Variants in FBXO36 observed in about 807,000 individuals in gnomAD.
The protein encoded by FBXO36 is F-box only protein 36.
Under a neutral mutation model 17.0 loss-of-function variants are expected in FBXO36, and 18 were observed. The ratio of observed to expected loss-of-function variants is 1.06; its 90% CI spans 0.73 to 1.57. The LOEUF is 1.57. Among genes scored for constraint, FBXO36 ranks in the 40% most tolerant of loss-of-function variants. The pLI, the probability that FBXO36 is intolerant of heterozygous loss-of-function variation, is 0.00. For missense variants in FBXO36, 229 were observed against 221.9 expected (o/e 1.03, Z -0.20); for synonymous variants, 83 against 85.3 (o/e 0.97, Z 0.15).
At chr2:229,991,502 A>G (rs2077297902) in intron 2 of FBXO36, among the ~76,000 whole-genome samples, 1 of 152,210 alleles carries the variant, frequency 6.6e-6, no homozygotes. Context: ...CTCACAAAGA[A>G]GAAGTCATGT....
intron 2 of FBXO36, among the ~76,000 whole-genome samples, chr2:229,991,806 T>G (rs1258522513): frequency 6.6e-6 from 1 of 152,218 alleles, no homozygotes; most frequent in Non-Finnish European, 1.5e-5. Context: ...ACAACACTGT[T>G]AAGCTTCATG....
chr2:229,995,914 C>A (rs1460810036), intron 2 of FBXO36, among the ~76,000 whole-genome samples: 2 of 149,756 alleles, frequency 1.3e-5, no homozygotes, highest in African/African-American at 4.9e-5. Flanking sequence ...TTTTTTTTTC[C>A]TATCAAATGA....
intron 1 of FBXO36, among the ~76,000 whole-genome samples, chr2:229,961,217 A>G (rs763096369): frequency 6.6e-6 from 1 of 152,068 alleles, no homozygotes; most frequent in Non-Finnish European, 1.5e-5. Context: ...CCTTTTCCAT[A>G]TATACCTGAA....
rs11441584 is a variant in FBXO36 at position 229,931,918 on chromosome 2, A to ATTT, written c.96+9310_96+9311insTTT. 1.6e-3 allele frequency among the ~76,000 whole-genome samples: 222 copies of ATTT among 142,798 alleles called. 10 individuals are homozygous for ATTT. Among genetic ancestry groups the ATTT allele is most frequent in the Middle Eastern group, 3.7e-3 (1 of 272 alleles). 93.7% of individuals were successfully genotyped at this position (142,798 alleles called of 152,430 possible). The stretch of plus-strand genomic sequence containing the variant: ...TGGTTTTTTGCTTGTATATGTGTAT[A>ATTT]TATTTTTTTTTTTTTTTAGACAGGG... On this transcript the variant is annotated intron_variant, in intron 1 of 3. Coordinates refer to ENST00000283946, the MANE Select transcript of FBXO36 (RefSeq NM_174899.5).
At chr2:229,938,216 CTTT>C (rs71049603) in intron 1 of FBXO36, among the ~76,000 whole-genome samples, 30 of 73,230 alleles carry the variant, frequency 4.1e-4, no homozygotes, top group Admixed American at 1.4e-3. Context: ...ATACAACTTT[CTTT>C]TTTTTTTTTT....
chr2:229,961,370 A>T (rs977645187), intron 1 of FBXO36, among the ~76,000 whole-genome samples: 1 of 150,772 alleles, frequency 6.6e-6, no homozygotes, highest in Admixed American at 6.6e-5. Context: ...TTCACACACT[A>T]TTTTATTTTA....
chr2:230,004,061 GC>G (rs555153101), intron 3 of FBXO36, among the ~76,000 whole-genome samples: 159 of 152,346 alleles, frequency 1.0e-3, no homozygotes, highest in African/African-American at 3.5e-3. Context: ...CCCTTGCCCT[GC>G]CTCCTGCCAC....
At chr2:229,949,605 G>C (rs1233625020) in intron 1 of FBXO36, among the ~76,000 whole-genome samples, 1 of 151,302 alleles carries the variant, frequency 6.6e-6, no homozygotes, top group Middle Eastern at 3.2e-3. Flanking sequence ...AGAAATACTT[G>C]GTAGATGTCT....
chr2:229,974,564 C>T (rs1334965283), intron 1 of FBXO36, among the ~76,000 whole-genome samples: 5 of 152,134 alleles, frequency 3.3e-5, no homozygotes, highest in Admixed American at 3.3e-4. Context: ...ACAGGCATCT[C>T]TCTGCCTTTT....
intron 1 of FBXO36, among the ~76,000 whole-genome samples, chr2:229,960,477 C>CT (rs879662204): frequency 9.5e-5 from 14 of 147,120 alleles, no homozygotes; most frequent in South Asian, 2.2e-4. Flanking sequence ...CCATGCCGGT[C>CT]TTTTTTTTTT....
intron 2 of FBXO36, among the ~76,000 whole-genome samples, chr2:229,989,006 A>G (rs1233165625): frequency 2.0e-5 from 3 of 151,964 alleles, no homozygotes; most frequent in Non-Finnish European, 4.4e-5. Flanking sequence ...GTTGTTTCCA[A>G]TCTTTTCGTA....
intron 3 of FBXO36, among the ~76,000 whole-genome samples, chr2:230,007,636 C>G (rs1301180991): frequency 2.0e-5 from 3 of 151,994 alleles, no homozygotes; most frequent in Non-Finnish European, 4.4e-5. Flanking sequence ...GAGTCTCGCT[C>G]TGTTGCCCAG....
chr2:229,968,924 C>T (rs1393238090), intron 1 of FBXO36, among the ~76,000 whole-genome samples: 2 of 151,948 alleles, frequency 1.3e-5, no homozygotes, highest in African/African-American at 4.8e-5. Context: ...CAGGCGTGCA[C>T]CACCACATCT....
At chr2:229,933,361 C>T (rs539316880) in intron 1 of FBXO36, among the ~76,000 whole-genome samples, 53 of 151,798 alleles carry the variant, frequency 3.5e-4, no homozygotes, top group South Asian at 6.2e-4. Flanking sequence ...CCACTTCACT[C>T]CAGCCTGAAC....
chr2:229,923,842 G>GTGT (rs1560425157), intron 1 of FBXO36, among the ~76,000 whole-genome samples: 9 of 140,226 alleles, frequency 6.4e-5, no homozygotes, highest in Admixed American at 1.4e-4. Context: ...TTTTTTTTTG[G>GTGT]TGTTGTTTTT....
chr2:229,936,814 C>T (rs938531674), intron 1 of FBXO36, among the ~76,000 whole-genome samples: 32 of 152,116 alleles, frequency 2.1e-4, no homozygotes, highest in African/African-American at 7.0e-4. Flanking sequence ...GAGGCTACAG[C>T]GAGTCGTGAT....
intron 1 of FBXO36, among the ~76,000 whole-genome samples, chr2:229,940,958 G>T (rs926215623): frequency 2.6e-5 from 4 of 152,148 alleles, no homozygotes; most frequent in Non-Finnish European, 5.9e-5. Context: ...TGGGAAAATA[G>T]AGTTGCCTGG....
chr2:229,989,128 T>C (rs1213630731), intron 2 of FBXO36, among the ~76,000 whole-genome samples: 2 of 152,208 alleles, frequency 1.3e-5, no homozygotes, highest in Admixed American at 6.5e-5. Flanking sequence ...TGGTTTCTGG[T>C]ATATAAAGAA....
At position 229,927,681 on chromosome 2, in the gene FBXO36, C is replaced by T. The variant is rs557994855; in HGVS notation, c.96+5072C>T. 3.3e-4 allele frequency among the ~76,000 whole-genome samples: 49 copies of T among 150,718 alleles called. No individual in the cohort carries two copies. The East Asian group carries it at 7.8e-3, about 24-fold the overall frequency. On this transcript the variant is annotated intron_variant, in intron 1 of 3. Coordinates refer to ENST00000283946, the MANE Select transcript of FBXO36 (RefSeq NM_174899.5). Reference sequence around the variant, plus strand: ...AGAAGGAAGAATTGGGCAATAGATTCGTCTTGTTTTATCTCTTTTTCTAAA... The same window carrying T: ...AGAAGGAAGAATTGGGCAATAGATTTGTCTTGTTTTATCTCTTTTTCTAAA...
Sources: allele counts gnomAD v4.1 joint callset (sites outside exome capture counted in the v4.1 genomes callset), GRCh38; gene constraint gnomAD v4.1.1; transcripts MANE v1.5; gene names NCBI Gene and HGNC (gene_info 2026-07-23, HGNC 2026-07-21).